The following CSMD1 variants were observed in gnomAD, a reference collection of about 807,000 sequenced individuals.
The protein encoded by CSMD1 is CUB and sushi domain-containing protein 1.
CSMD1 carries 213 observed loss-of-function variants against 417.5 expected under a neutral mutation model. That is an observed-to-expected ratio of 0.51 (90% CI 0.46 to 0.57). The LOEUF (loss-of-function observed/expected upper bound fraction) is 0.57, where lower values mean the gene tolerates loss of function less well. Among genes scored for constraint, CSMD1 ranks in the 20% least tolerant of loss-of-function variants. CSMD1 has a pLI of 0.00. For synonymous variants in CSMD1, 2,862 were observed against 1,736.8 expected, an observed-to-expected ratio of 1.65 and a Z score of -16.11; for missense variants, 6,923 against 4,529.7, an observed-to-expected ratio of 1.53 and a Z score of -15.17.
At chr8:3,286,433 A>G (rs1176037129) in intron 25 of CSMD1, among the ~76,000 whole-genome samples, 2 of 152,186 alleles carry the variant, frequency 1.3e-5, no homozygotes, top group Non-Finnish European at 2.9e-5. Context: ...ACTAGTTTAC[A>G]GTCCCACCAA....
At chr8:4,119,573 A>C (rs1246935184) in intron 3 of CSMD1, among the ~76,000 whole-genome samples, 1 of 121,436 alleles carries the variant, frequency 8.2e-6, no homozygotes, top group African/African-American at 3.2e-5. Context: ...AGACCAGAGG[A>C]TAATAGTAGT....
intron 8 of CSMD1, among the ~76,000 whole-genome samples, chr8:3,613,821 T>C (rs1802009086): frequency 1.3e-5 from 2 of 151,822 alleles, no homozygotes; most frequent in South Asian, 2.1e-4. Flanking sequence ...GTCATAACTA[T>C]AATGAAAGCC....
intron 42 of CSMD1, chr8:3,112,876 G>C (rs373118153): frequency 4.6e-5 from 7 of 152,216 alleles, no homozygotes; most frequent in African/African-American, 1.7e-4. Context: ...CCACTGGGTA[G>C]TCCAGAGATA....
rs34867801 is a variant in CSMD1 at position 4,974,183 on chromosome 8, ATT to A, written c.85+20147_85+20148del. ...AGGCACATGCCACCACACCCAGCTAATTTTTTTTTTTTTTGTATTTTTAATAG... is the reference window on the plus strand; with the variant it reads ...AGGCACATGCCACCACACCCAGCTAATTTTTTTTTTTTGTATTTTTAATAG... On this transcript the variant is annotated intron_variant, in intron 1 of 69. Transcript: ENST00000635120. Among the ~76,000 whole-genome samples, 61 of 145,628 alleles carry A rather than the reference ATT, an allele frequency of 4.2e-4. 1 individual carries two copies. The highest frequency in any genetic ancestry group is 1.1e-3 in the African/African-American group (42 of 39,634).
rs573728132 is a variant in CSMD1, at chr8:2,969,038, T to C, written c.8924-2292A>G. Among the ~76,000 whole-genome samples the C allele has an allele frequency of 2.9e-4, 44 of 152,252 alleles. 2 individuals are homozygous for C. In the South Asian group the frequency reaches 8.3e-3, roughly 29 times the overall value. On this transcript the variant is annotated intron_variant, in intron 57 of 69. Transcript: ENST00000635120. ...AAAATTGCTGTTAAATTGAGTTAAA[T>C]AGATGTGAATATCTGCTCATGCAAG...
chr8:4,323,543 G>A (rs12546471), intron 3 of CSMD1, among the ~76,000 whole-genome samples: 1 of 151,852 alleles, frequency 6.6e-6, no homozygotes, highest in Non-Finnish European at 1.5e-5. Flanking sequence ...ACCAGTGTGG[G>A]TGATCTATAT....
chr8:3,625,113 A>T (rs1046689632), intron 7 of CSMD1, among the ~76,000 whole-genome samples: 1 of 152,066 alleles, frequency 6.6e-6, no homozygotes, highest in Non-Finnish European at 1.5e-5. Context: ...ATATTTGTAC[A>T]GTCTCTAGCA....
At chr8:3,144,937 C>G (rs7010908) in intron 40 of CSMD1, among the ~76,000 whole-genome samples, 7,781 of 152,062 alleles carry the variant, frequency 0.051, 685 homozygotes, top group African/African-American at 0.18. Flanking sequence ...ACATCCAGAT[C>G]TGCTTGTCCA....
At chr8:3,172,878 T>A (rs143713776) in intron 37 of CSMD1, among the ~76,000 whole-genome samples, 2 of 152,306 alleles carry the variant, frequency 1.3e-5, no homozygotes, top group East Asian at 3.9e-4. Context: ...GCAATATTTA[T>A]CTCATGATTG....
intron 50 of CSMD1, among the ~76,000 whole-genome samples, chr8:3,041,262 G>A (rs1258339342): frequency 6.6e-6 from 1 of 152,054 alleles, no homozygotes; most frequent in African/African-American, 2.4e-5. Context: ...ATGTACTACA[G>A]AGCAAAAATA....
chr8:3,064,543 T>A (rs989546101), intron 49 of CSMD1, among the ~76,000 whole-genome samples: 3 of 152,206 alleles, frequency 2.0e-5, no homozygotes, highest in African/African-American at 7.2e-5. Context: ...AGGTAGTTAT[T>A]TCTAGTAGTG....
At chr8:3,392,249 G>C (rs1359413563) in intron 17 of CSMD1, among the ~76,000 whole-genome samples, 2 of 151,784 alleles carry the variant, frequency 1.3e-5, no homozygotes, top group Non-Finnish European at 2.9e-5. Flanking sequence ...AAAACTTAAA[G>C]TATAATAAAA....
intron 26 of CSMD1, among the ~76,000 whole-genome samples, chr8:3,241,111 AG>A (rs1799477124): frequency 6.6e-6 from 1 of 151,328 alleles, no homozygotes; most frequent in African/African-American, 2.4e-5. Flanking sequence ...TGGATTGGGA[AG>A]AAGGGCGGCA....
At chr8:4,392,777 G>C (rs1803936391) in intron 3 of CSMD1, among the ~76,000 whole-genome samples, 1 of 151,572 alleles carries the variant, frequency 6.6e-6, no homozygotes, top group African/African-American at 2.4e-5. Flanking sequence ...AGAACATCCT[G>C]GCCAACATGG....
intron 10 of CSMD1, among the ~76,000 whole-genome samples, chr8:3,562,174 G>C (rs1799494947): frequency 6.6e-6 from 1 of 152,136 alleles, no homozygotes; most frequent in Non-Finnish European, 1.5e-5. Flanking sequence ...ACAGTAGTAG[G>C]TGGGGAAAGA....
chr8:3,703,292 G>T (rs1800971382), intron 7 of CSMD1, among the ~76,000 whole-genome samples: 2 of 152,308 alleles, frequency 1.3e-5, no homozygotes, highest in Admixed American at 6.5e-5. Flanking sequence ...ATGAATTGTG[G>T]AGGGTTGAAA....
rs1412037175 is a variant in CSMD1, at chr8:4,933,552, A to G, written c.85+60780T>C. On this transcript the variant is annotated intron_variant, in intron 1 of 69. Transcript: ENST00000635120. ...AGAGAGAAAAATACTTTCGAAAAGT[A>G]GCACTTTGATACATACAATACTGGA... Among the ~76,000 whole-genome samples, 15 of 152,328 alleles carry G rather than the reference A, an allele frequency of 9.8e-5. No homozygotes were observed. The East Asian group carries it at 2.9e-3, about 29-fold the overall frequency.
At chr8:4,055,944 C>T (rs944468481) in intron 3 of CSMD1, among the ~76,000 whole-genome samples, 1 of 152,088 alleles carries the variant, frequency 6.6e-6, no homozygotes, top group Non-Finnish European at 1.5e-5. Flanking sequence ...GTAAATTACA[C>T]TTAAAATGAA....
intron 1 of CSMD1, among the ~76,000 whole-genome samples, chr8:4,916,265 A>C (rs963680275): frequency 6.7e-6 from 1 of 149,184 alleles, no homozygotes; most frequent in African/African-American, 2.6e-5. Context: ...CGATGACAAG[A>C]ACACGGGGTA....
Sources: allele counts gnomAD v4.1 joint callset (sites outside exome capture counted in the v4.1 genomes callset), GRCh38; gene constraint gnomAD v4.1.1; transcripts MANE v1.5; gene names NCBI Gene and HGNC (gene_info 2026-07-23, HGNC 2026-07-21).